Variants in SLC7A14 observed in about 807,000 individuals in gnomAD.
The protein encoded by SLC7A14 is gamma-aminobutyric acid transporter SLC7A14.
SLC7A14 carries 37 observed loss-of-function variants against 60.2 expected under a neutral mutation model. The observed-to-expected ratio is 0.61, with a 90% CI of 0.47 to 0.81. The LOEUF (loss-of-function observed/expected upper bound fraction) is 0.81. Among genes scored for constraint, SLC7A14 ranks in the 30% least tolerant of loss-of-function variants. The pLI, the probability that SLC7A14 is intolerant of heterozygous loss-of-function variation, is 0.00. For missense variants in SLC7A14, 886 were observed against 982.7 expected, an observed-to-expected ratio of 0.90 and a Z score of 1.32; for synonymous variants, 399 against 395.8, an observed-to-expected ratio of 1.01 and a Z score of -0.10.
intron 7 of SLC7A14, among the ~76,000 whole-genome samples, chr3:170,478,332 C>G (rs1352908106): frequency 6.6e-6 from 1 of 152,180 alleles, no homozygotes; most frequent in African/African-American, 2.4e-5. Context: ...CCCTCCTCGG[C>G]CTCCCAAAGT....
At chr3:170,543,209 G>T (rs2108300992) in intron 1 of SLC7A14, among the ~76,000 whole-genome samples, 1 of 152,296 alleles carries the variant, frequency 6.6e-6, no homozygotes, top group South Asian at 2.1e-4. Context: ...TGCCAAGCCA[G>T]GCTGCTGGAC....
At chr3:170,481,878 T>C (rs1183780355) in intron 6 of SLC7A14, among the ~76,000 whole-genome samples, 3 of 152,208 alleles carry the variant, frequency 2.0e-5, no homozygotes, top group Non-Finnish European at 4.4e-5. Flanking sequence ...TCCTGACCTG[T>C]GAACTAGCAT....
intron 1 of SLC7A14, among the ~76,000 whole-genome samples, chr3:170,578,876 G>C (rs573806782): frequency 1.3e-5 from 2 of 152,250 alleles, no homozygotes; most frequent in South Asian, 4.1e-4. Context: ...AGATTAAAAA[G>C]TAAGAAGAGT....
intron 1 of SLC7A14, among the ~76,000 whole-genome samples, chr3:170,566,028 C>T (rs1714778078): frequency 6.6e-6 from 1 of 152,060 alleles, no homozygotes; most frequent in Non-Finnish European, 1.5e-5. Context: ...AATTTTCCAG[C>T]CTGAAGGAAC....
chr3:170,501,253 A>G lies in SLC7A14; in HGVS notation c.397T>C (p.Phe133Leu). Residue 133 changes from phenylalanine (F) to leucine (L), a missense_variant, in exon 3 of 8, where the codon TTT becomes CTT. Phe to Leu is a conservative substitution (Grantham distance 22, BLOSUM62 0). Coordinates refer to ENST00000231706, the MANE Select transcript of SLC7A14 (RefSeq NM_020949.3). Reference protein sequence around the residue: ...SYVTVGEFVAFFIGWNLILEY... With the variant: ...SYVTVGEFVALFIGWNLILEY... ...AGGATCAGGTTCCAGCCAATGAAAA[A>G]TGCCACAAATTCCCCAACAGTGACA... The G allele has an allele frequency of 1.9e-6, 3 of 1,614,210 alleles. No homozygotes were observed. Among genetic ancestry groups the G allele is most frequent in the Non-Finnish European group, 2.5e-6 (3 of 1,180,026 alleles).
At chr3:170,488,332 C>T (rs920135399) in intron 4 of SLC7A14, among the ~76,000 whole-genome samples, 124 of 152,314 alleles carry the variant, frequency 8.1e-4, no homozygotes, top group African/African-American at 2.8e-3. Flanking sequence ...CTCCTGCTTT[C>T]CCTACAGCAA....
At chr3:170,470,194 C>T (rs921731190) in intron 7 of SLC7A14, among the ~76,000 whole-genome samples, 1 of 152,050 alleles carries the variant, frequency 6.6e-6, no homozygotes, top group Non-Finnish European at 1.5e-5. Flanking sequence ...GTGTCTAGTC[C>T]TTCACACCTC....
chr3:170,462,667 G>T lies in SLC7A14; in HGVS notation c.*4388C>A, dbSNP rs1056217302. 2 of 151,760 alleles carry T rather than the reference G, an allele frequency of 1.3e-5. No individual in the cohort carries two copies. The highest frequency in any genetic ancestry group is 2.4e-5 in the African/African-American group (1 of 41,280). The allele number at this position is 151,760 out of a possible 1,614,324, so 9.4% of individuals were successfully genotyped here. ...AATAGCTTGAACCCGGGAGGTGAAGGTTGCAGTGAGCCAAGATCATGCCAC... is the reference window on the plus strand; with the variant it reads ...AATAGCTTGAACCCGGGAGGTGAAGTTTGCAGTGAGCCAAGATCATGCCAC... On this transcript the variant is annotated 3_prime_UTR_variant, in exon 8 of 8. Transcript: ENST00000231706.
At chr3:170,522,073 A>G (rs192576513) in intron 2 of SLC7A14, among the ~76,000 whole-genome samples, 16 of 152,360 alleles carry the variant, frequency 1.1e-4, no homozygotes, top group African/African-American at 3.8e-4. Context: ...AAACATTGCT[A>G]TATACCTTTT....
chr3:170,466,236 T>A lies in SLC7A14; in HGVS notation c.*819A>T, dbSNP rs922452168. 1.3e-5 allele frequency: 2 copies of A among 152,228 alleles called. No homozygotes were observed. Among genetic ancestry groups the A allele is most frequent in the African/African-American group, 4.8e-5 (2 of 41,458 alleles). 9.4% of individuals were successfully genotyped at this position (152,228 alleles called of 1,614,324 possible). Reference sequence around the variant, plus strand: ...TTCAAGGCATATCAGTGCCATGAAATCATGCTCCACCTTTGCCCGCTTTCA... The same window carrying A: ...TTCAAGGCATATCAGTGCCATGAAAACATGCTCCACCTTTGCCCGCTTTCA... On this transcript the variant is annotated 3_prime_UTR_variant, in exon 8 of 8. Transcript: ENST00000231706.
chr3:170,567,147 A>ATCC (rs1175542856), intron 1 of SLC7A14, among the ~76,000 whole-genome samples: 4 of 132,158 alleles, frequency 3.0e-5, no homozygotes, highest in African/African-American at 8.4e-5. Context: ...TCCTAAAGCT[A>ATCC]TCCCTCCCCC....
rs552489926 is a variant in SLC7A14, at chr3:170,526,662, A to G, written c.275T>C (p.Ile92Thr). The change falls in exon 2 of 8, where the codon ATC becomes ACC. Residue 92 changes from isoleucine to threonine, a missense_variant. By Grantham distance (89) the Ile-to-Thr change is moderately conservative. Transcript: ENST00000231706. ...TAATATGGATGCGACGGCTGCAATG[A>G]TGAAGGACACAATGACACCAGGTCC... ...MAGPGVIVSF[I>T]IAAVASILSG... 4.3e-6 allele frequency: 7 copies of G among 1,614,200 alleles called. No individual in the cohort carries two copies. In the Admixed American group the frequency reaches 1.0e-4, roughly 23 times the overall value.
intron 2 of SLC7A14, among the ~76,000 whole-genome samples, chr3:170,523,520 T>C (rs1713403065): frequency 6.6e-6 from 1 of 152,202 alleles, no homozygotes; most frequent in Non-Finnish European, 1.5e-5. Context: ...TAGTCTTCCT[T>C]TGAAAACACT....
intron 3 of SLC7A14, among the ~76,000 whole-genome samples, chr3:170,499,309 T>C (rs1712530786): frequency 6.8e-6 from 1 of 147,062 alleles, no homozygotes; most frequent in Non-Finnish European, 1.5e-5. Flanking sequence ...TGTGTGTGTG[T>C]GTGCACCTAC....
chr3:170,470,308 A>ATATGTGTGTGTGTGTG (rs372412774), intron 7 of SLC7A14, among the ~76,000 whole-genome samples: 7 of 143,594 alleles, frequency 4.9e-5, no homozygotes, highest in African/African-American at 7.8e-5. Flanking sequence ...TGGAAGGAAC[A>ATATGTGTGTGTGTGTG]TGTGTGTGTG....
intron 4 of SLC7A14, chr3:170,495,895 G>T (rs1712377519): frequency 1.4e-6 from 2 of 1,410,382 alleles, no homozygotes; most frequent in African/African-American, 2.8e-5. Flanking sequence ...GAGGCTCTGG[G>T]CTAGGAGAAG....
chr3:170,552,869 AC>A (rs1714388323), intron 1 of SLC7A14, among the ~76,000 whole-genome samples: 2 of 152,200 alleles, frequency 1.3e-5, no homozygotes, highest in Non-Finnish European at 2.9e-5. Context: ...AAACTTCTCA[AC>A]ATGACTTATC....
chr3:170,571,799 G>A (rs1484322494), intron 1 of SLC7A14, among the ~76,000 whole-genome samples: 1 of 152,140 alleles, frequency 6.6e-6, no homozygotes, highest in African/African-American at 2.4e-5. Context: ...GTTGGCTCAT[G>A]CCTGTAATCC....
chr3:170,484,394 G>A (rs941399192), intron 5 of SLC7A14, among the ~76,000 whole-genome samples: 2 of 152,148 alleles, frequency 1.3e-5, no homozygotes, highest in Admixed American at 6.5e-5. Flanking sequence ...CATGTGCATC[G>A]GGGAGGTGAT....
Sources: allele counts gnomAD v4.1 joint callset (sites outside exome capture counted in the v4.1 genomes callset), GRCh38; gene constraint gnomAD v4.1.1; transcripts MANE v1.5; gene names NCBI Gene and HGNC (gene_info 2026-07-23, HGNC 2026-07-21).